Variants in LRRC37A2 observed in about 807,000 individuals in gnomAD.
LRRC37A2 encodes the protein leucine-rich repeat-containing protein 37A2.
In LRRC37A2, 9 loss-of-function variants were observed where a neutral mutation model predicts 68.8. The observed-to-expected ratio is 0.13, with a 90% confidence interval of 0.08 to 0.23. LRRC37A2 has a LOEUF of 0.23. LRRC37A2 is among the 10% of genes least tolerant of loss of function. The pLI is 1.00. For synonymous variants in LRRC37A2, 63 were observed against 367.6 expected, an observed-to-expected ratio of 0.17 and a Z score of 9.48; for missense variants, 168 against 950.4, an observed-to-expected ratio of 0.18 and a Z score of 10.82.
chr17:46,697,249 C>T, the LRRC37A2 span, among the ~76,000 whole-genome samples: 9 of 120,698 alleles, frequency 7.5e-5, no homozygotes, highest in African/African-American at 1.4e-4. Context: ...CTTACTCTGT[C>T]GCCCAGGCTG....
At chr17:46,739,251 G>A in the LRRC37A2 span, among the ~76,000 whole-genome samples, 2 of 151,274 alleles carry the variant, frequency 1.3e-5, no homozygotes, top group African/African-American at 2.4e-5. Context: ...GGCGTCTGTA[G>A]TCCCAGCTAC....
the LRRC37A2 span, among the ~76,000 whole-genome samples, chr17:46,889,415 C>G: frequency 6.6e-6 from 1 of 152,156 alleles, no homozygotes. Flanking sequence ...GACCAAGTCC[C>G]CTCTGTCCTT....
the LRRC37A2 span, among the ~76,000 whole-genome samples, chr17:46,943,774 A>G: frequency 2.6e-3 from 394 of 152,346 alleles, no homozygotes; most frequent in African/African-American, 8.7e-3. Flanking sequence ...AACAACAGCA[A>G]TGACTGCAGT....
the LRRC37A2 span, chr17:47,019,671 A>G: frequency 2.1e-6 from 3 of 1,404,118 alleles, no homozygotes; most frequent in East Asian, 2.3e-5. Flanking sequence ...GGCCTCCACA[A>G]GCACCAACAT....
the LRRC37A2 span, among the ~76,000 whole-genome samples, chr17:46,817,560 A>T: frequency 6.6e-5 from 10 of 152,134 alleles, no homozygotes; most frequent in Non-Finnish European, 1.3e-4. Flanking sequence ...CCGCTCGGAA[A>T]ACAAGGGGAC....
At chr17:46,982,289 A>G in the LRRC37A2 span, among the ~76,000 whole-genome samples, 2 of 152,180 alleles carry the variant, frequency 1.3e-5, no homozygotes, top group African/African-American at 4.8e-5. Context: ...GGCTTTTGCT[A>G]TACCCTGGAC....
the LRRC37A2 span, among the ~76,000 whole-genome samples, chr17:46,985,862 C>T: frequency 6.6e-6 from 1 of 152,336 alleles, no homozygotes; most frequent in South Asian, 2.1e-4. Context: ...CCTCTGTCTT[C>T]TTCTGCTCTA....
chr17:46,954,709 T>TG, the LRRC37A2 span, among the ~76,000 whole-genome samples: 63 of 152,316 alleles, frequency 4.1e-4, no homozygotes, highest in African/African-American at 1.4e-3. Flanking sequence ...CATTGAGCAG[T>TG]GGTTTGTAGT....
At chr17:46,728,651 A>G in the LRRC37A2 span, among the ~76,000 whole-genome samples, 3 of 151,906 alleles carry the variant, frequency 2.0e-5, no homozygotes, top group East Asian at 5.8e-4. Flanking sequence ...AGGTTATTAG[A>G]GATATTTTTT....
chr17:46,826,870 C>T, the LRRC37A2 span, among the ~76,000 whole-genome samples: 6 of 151,206 alleles, frequency 4.0e-5, no homozygotes, highest in South Asian at 2.1e-4. Flanking sequence ...ACCTCTGCCT[C>T]CTGGGTTCAA....
At chr17:46,941,109 A>T in the LRRC37A2 span, 1 of 1,023,452 alleles carries the variant, frequency 9.8e-7, no homozygotes, top group South Asian at 3.9e-5. Context: ...GTGATTTAAA[A>T]CAGGTGGGTT....
chr17:46,822,489 A>C, the LRRC37A2 span, among the ~76,000 whole-genome samples: 1 of 152,214 alleles, frequency 6.6e-6, no homozygotes, highest in Non-Finnish European at 1.5e-5. Context: ...CTCAGAGCCC[A>C]GCGGCGCGGG....
the LRRC37A2 span, among the ~76,000 whole-genome samples, chr17:46,995,953 C>CT: frequency 9.2e-5 from 14 of 152,288 alleles, no homozygotes; most frequent in East Asian, 2.7e-3. Context: ...CTGGTCCCTG[C>CT]TACCTGCTGG....
chr17:46,458,675 G>A, the LRRC37A2 span, among the ~76,000 whole-genome samples: 3 of 99,334 alleles, frequency 3.0e-5, no homozygotes, highest in Non-Finnish European at 6.9e-5. Context: ...CCCAGTAGCT[G>A]GGATTACAGG....
the LRRC37A2 span, among the ~76,000 whole-genome samples, chr17:46,910,396 A>T: frequency 6.6e-6 from 1 of 151,844 alleles, no homozygotes; most frequent in African/African-American, 2.4e-5. Context: ...ACTGATATTT[A>T]CTCAGCCCTC....
the LRRC37A2 span, among the ~76,000 whole-genome samples, chr17:46,849,281 A>G: frequency 6.6e-6 from 1 of 152,238 alleles, no homozygotes; most frequent in African/African-American, 2.4e-5. Flanking sequence ...AGGCTTACCC[A>G]TCAGACATCA....
the LRRC37A2 span, among the ~76,000 whole-genome samples, chr17:46,631,173 AAAC>A: frequency 7.1e-6 from 1 of 140,612 alleles, no homozygotes; most frequent in Non-Finnish European, 1.5e-5. Flanking sequence ...GATGGAATTT[AAAC>A]ATTGGGGTTA....
the LRRC37A2 span, among the ~76,000 whole-genome samples, chr17:47,034,644 C>A: frequency 6.6e-6 from 1 of 151,548 alleles, no homozygotes; most frequent in African/African-American, 2.4e-5. Flanking sequence ...GTCTCAAACT[C>A]CTGGGCTCAA....
At chr17:46,781,842 C>T in the LRRC37A2 span, among the ~76,000 whole-genome samples, 10 of 152,242 alleles carry the variant, frequency 6.6e-5, no homozygotes, top group Non-Finnish European at 1.2e-4. Flanking sequence ...TTCCCTCTTC[C>T]TCTATACGGG....
Sources: allele counts gnomAD v4.1 joint callset (sites outside exome capture counted in the v4.1 genomes callset), GRCh38; gene constraint gnomAD v4.1.1; transcripts MANE v1.5; gene names NCBI Gene and HGNC (gene_info 2026-07-23, HGNC 2026-07-21).